PAX5: variants seen among roughly 807,000 people sequenced by gnomAD.
The protein encoded by PAX5 is paired box protein Pax-5.
Under a neutral mutation model 43.7 loss-of-function variants are expected in PAX5, and 9 were observed. The observed-to-expected ratio is 0.21, with a 90% confidence interval of 0.12 to 0.36. The LOEUF (loss-of-function observed/expected upper bound fraction) is 0.36. Among genes scored for constraint, PAX5 ranks in the 10% least tolerant of loss-of-function variants. The pLI is 1.00. For missense variants in PAX5, 383 were observed against 532.7 expected, an observed-to-expected ratio of 0.72 and a Z score of 2.77; for synonymous variants, 228 against 214.3, an observed-to-expected ratio of 1.06 and a Z score of -0.56.
At chr9:37,022,698 G>A (rs1186163389) in intron 1 of PAX5, among the ~76,000 whole-genome samples, 1 of 152,182 alleles carries the variant, frequency 6.6e-6, no homozygotes, top group Non-Finnish European at 1.5e-5. Flanking sequence ...GAGCACTGGG[G>A]GCTGTTTTGT....
chr9:36,934,077 G>C (rs1262373171), intron 6 of PAX5, among the ~76,000 whole-genome samples: 1 of 152,230 alleles, frequency 6.6e-6, no homozygotes, highest in African/African-American at 2.4e-5. Context: ...CCAGAGGCCT[G>C]ACAGCAACCA....
chr9:36,984,115 C>G (rs1212213112), intron 5 of PAX5, among the ~76,000 whole-genome samples: 1 of 152,182 alleles, frequency 6.6e-6, no homozygotes, highest in African/African-American at 2.4e-5. Context: ...AGCTTCTCCT[C>G]CCTGCTGGAG....
chr9:36,966,637 T>C lies in PAX5; in HGVS notation c.692A>G (p.Gln231Arg). 3 of 1,614,236 alleles carry C rather than the reference T, an allele frequency of 1.9e-6. No individual in the cohort carries two copies. The highest frequency in any genetic ancestry group is 2.5e-6 in the Non-Finnish European group (3 of 1,180,038). The change falls in exon 6 of 10, where the codon CAG becomes CGG. Residue 231 changes from glutamine (Q) to arginine (R), a missense_variant. By Grantham distance (43) the Gln-to-Arg change is conservative. This residue lies in a region of PAX5 where 291 missense variants were observed against 342.5 expected (regional missense o/e 0.85). Coordinates refer to ENST00000358127, the MANE Select transcript of PAX5 (RefSeq NM_016734.3). ...RKQMRGDLFTQQQLEVLDRVF... is the reference protein window; with the variant it reads ...RKQMRGDLFTRQQLEVLDRVF... ...GCGGTCCAGCACCTCCAGCTGCTGC[T>C]GTGTGAACAAGTCTCCCCGCATCTG...
intron 5 of PAX5, among the ~76,000 whole-genome samples, chr9:36,994,480 C>G (rs1196724303): frequency 6.6e-6 from 1 of 152,348 alleles, no homozygotes; most frequent in African/African-American, 2.4e-5. Flanking sequence ...TGACTACCCA[C>G]TTCCCTGACC....
At chr9:36,889,139 C>A (rs972277090) in intron 7 of PAX5, among the ~76,000 whole-genome samples, 2 of 151,902 alleles carry the variant, frequency 1.3e-5, no homozygotes, top group Admixed American at 6.6e-5. Flanking sequence ...TGAACCTGGG[C>A]CCCCTTGGTG....
chr9:36,836,738 T>G lies in PAX5; in HGVS notation c.*3822A>C, dbSNP rs926737531. 1 of 231,812 alleles carries G rather than the reference T, an allele frequency of 4.3e-6. No individual in the cohort carries two copies. The highest frequency in any genetic ancestry group is 2.2e-5 in the African/African-American group (1 of 45,258). The allele number at this position is 231,812 out of a possible 1,614,324, so 14.4% of individuals were successfully genotyped here. On this transcript the variant is annotated 3_prime_UTR_variant, in exon 10 of 10. Coordinates refer to ENST00000358127, the MANE Select transcript of PAX5 (RefSeq NM_016734.3). ...CCCTGGCTTGGGCACTCCTGCATAC[T>G]GTCACAGCCAGGCCTGGAGCCTGTT...
chr9:36,914,054 G>C (rs1053776007), intron 7 of PAX5, among the ~76,000 whole-genome samples: 3 of 152,202 alleles, frequency 2.0e-5, no homozygotes, highest in Admixed American at 6.5e-5. Context: ...CACCTCCAGA[G>C]GGCGTTTTGA....
At chr9:37,011,180 C>T (rs1040526837) in intron 3 of PAX5, among the ~76,000 whole-genome samples, 6 of 151,456 alleles carry the variant, frequency 4.0e-5, no homozygotes, top group African/African-American at 1.5e-4. Context: ...TCTCAGAAGG[C>T]CTGCTACCAA....
In PAX5 at chr9:36,838,288, G is replaced by C. The variant is rs1821784619; in HGVS notation, c.*2272C>G. 4.3e-6 allele frequency: 1 copy of C among 232,514 alleles called. No homozygotes were observed. The highest frequency in any genetic ancestry group is 8.5e-6 in the Non-Finnish European group (1 of 117,732). 14.4% of individuals were successfully genotyped at this position (232,514 alleles called of 1,614,324 possible). A position where few individuals can be genotyped will look rare whatever the true frequency, so the allele number is the denominator to read the frequency against. ...CAGTTCTTACAGACTGATTGTCTAG[G>C]GCATGGGGCCCAGAACCATCTCTCA... On this transcript the variant is annotated 3_prime_UTR_variant, in exon 10 of 10. Coordinates refer to ENST00000358127, the MANE Select transcript of PAX5 (RefSeq NM_016734.3).
chr9:36,880,953 G>T (rs1164711532), intron 8 of PAX5, among the ~76,000 whole-genome samples: 1 of 152,192 alleles, frequency 6.6e-6, no homozygotes, highest in Non-Finnish European at 1.5e-5. Context: ...AGAGCCCCAG[G>T]CACTGAAACA....
At chr9:36,969,300 AG>A (rs1199975920) in intron 5 of PAX5, among the ~76,000 whole-genome samples, 2 of 152,020 alleles carry the variant, frequency 1.3e-5, no homozygotes, top group Non-Finnish European at 2.9e-5. Context: ...CTGCCCCTCT[AG>A]GGGGCGTCTC....
Position 36,834,207 on chromosome 9 carries a change from C to T in PAX5, c.*6353G>A, listed in dbSNP as rs932113427. Reference sequence around the variant, plus strand: ...GGGCTGAGAAGTGGGGCCCAGGCAACGCCAGGCCCTCACTGCCCGCCACCC... The same window carrying T: ...GGGCTGAGAAGTGGGGCCCAGGCAATGCCAGGCCCTCACTGCCCGCCACCC... On this transcript the variant is annotated 3_prime_UTR_variant, in exon 10 of 10. Transcript: ENST00000358127. The T allele has an allele frequency of 8.6e-6, 2 of 233,208 alleles. No homozygotes were observed. The highest frequency in any genetic ancestry group is 2.2e-5 in the African/African-American group (1 of 45,348). 14.4% of individuals were successfully genotyped at this position (233,208 alleles called of 1,614,324 possible).
intron 6 of PAX5, among the ~76,000 whole-genome samples, chr9:36,963,076 T>C (rs60261860): frequency 0.014 from 2,175 of 152,344 alleles, 53 homozygotes; most frequent in African/African-American, 0.048. Context: ...ATGTCATTCA[T>C]AGTCCAGTGC....
chr9:37,002,613 C>G (rs370036164), intron 5 of PAX5, 35 bp downstream of exon 5: 1 of 1,592,458 alleles, frequency 6.3e-7, no homozygotes, highest in Non-Finnish European at 8.6e-7. Context: ...CCCCGTGGAG[C>G]GCATCCCCGA....
At chr9:36,975,786 G>C (rs747933446) in intron 5 of PAX5, among the ~76,000 whole-genome samples, 12 of 152,212 alleles carry the variant, frequency 7.9e-5, no homozygotes, top group Non-Finnish European at 1.8e-4. Context: ...GAGAATACAT[G>C]TAAAATACTT....
chr9:36,969,795 G>A (rs998973879), intron 5 of PAX5, among the ~76,000 whole-genome samples: 1 of 152,216 alleles, frequency 6.6e-6, no homozygotes, highest in East Asian at 1.9e-4. Flanking sequence ...GGCAGAGCCT[G>A]CCTCTCCGGG....
At chr9:36,974,777 A>G (rs374399701) in intron 5 of PAX5, among the ~76,000 whole-genome samples, 1 of 152,000 alleles carries the variant, frequency 6.6e-6, no homozygotes. Flanking sequence ...TGTCATCCTC[A>G]TTTTCATCAA....
intron 3 of PAX5, among the ~76,000 whole-genome samples, chr9:37,011,144 A>AAAAAAAAAAAG (rs1564074650): frequency 1.4e-5 from 2 of 145,562 alleles, no homozygotes; most frequent in African/African-American, 2.5e-5. Flanking sequence ...AAAAAAAAAA[A>AAAAAAAAAAAG]AAAGAAAGAG....
In PAX5 at chr9:37,033,105, T is replaced by C. The variant is rs556626788; in HGVS notation, c.46+881A>G. Among the ~76,000 whole-genome samples, 8 of 152,364 alleles carry C rather than the reference T, an allele frequency of 5.3e-5. No homozygotes were observed. In the South Asian group the frequency reaches 1.4e-3, roughly 28 times the overall value. On this transcript the variant is annotated intron_variant, in intron 1 of 9. Coordinates refer to ENST00000358127, the MANE Select transcript of PAX5 (RefSeq NM_016734.3). ...TCCCTAGAAATGTCACAACTAACCC[T>C]ACAGGTGTCCGCTGTCATCTGCAAG...
Sources: gnomAD v4.1 joint callset for allele counts (sites outside exome capture counted in the v4.1 genomes callset) on GRCh38, gnomAD v4.1.1 for gene constraint, gnomAD v4.1.1 regional missense constraint, MANE v1.5 for transcripts, NCBI Gene and HGNC (gene_info 2026-07-23, HGNC 2026-07-21) for gene names.